Variants in PTPRN2 observed in about 807,000 individuals in gnomAD.
The protein encoded by PTPRN2 is receptor-type tyrosine-protein phosphatase N2.
In PTPRN2, 74 loss-of-function variants were observed where a neutral mutation model predicts 118.8. That is an observed-to-expected ratio of 0.62 (90% CI 0.52 to 0.76). The LOEUF (loss-of-function observed/expected upper bound fraction) is 0.76, where lower values mean the gene tolerates loss of function less well. Among genes scored for constraint, PTPRN2 ranks in the 30% least tolerant of loss-of-function variants. The pLI, the probability that PTPRN2 is intolerant of heterozygous loss-of-function variation, is 0.00. For missense variants in PTPRN2, 1,481 were observed against 1,394.4 expected (o/e 1.06, Z -0.99); for synonymous variants, 641 against 608.0 (o/e 1.05, Z -0.80).
rs113404792 is a variant in PTPRN2 at position 158,377,481 on chromosome 7, C to A, written c.164-60549G>T. On this transcript the variant is annotated intron_variant, in intron 2 of 22. Transcript: ENST00000389418. Reference sequence around the variant, plus strand: ...CATCATCACGCATAAGAAAAGGGGACCCCACTTGGACACCACCACGAACCC... The same window carrying A: ...CATCATCACGCATAAGAAAAGGGGAACCCACTTGGACACCACCACGAACCC... 4.8e-3 allele frequency among the ~76,000 whole-genome samples: 726 copies of A among 152,300 alleles called. 6 individuals are homozygous for A. The highest frequency in any genetic ancestry group is 0.031 in the Middle Eastern group (9 of 292).
At chr7:157,841,607 T>C (rs1247962021) in intron 12 of PTPRN2, among the ~76,000 whole-genome samples, 1 of 152,210 alleles carries the variant, frequency 6.6e-6, no homozygotes, top group Non-Finnish European at 1.5e-5. Context: ...GGTGCCTGCC[T>C]GGAAGGGCCC....
Position 157,780,599 on chromosome 7 carries a change from A to C in PTPRN2, c.1789-97662T>G, listed in dbSNP as rs57126060. ...ACTGGCTCTGCACGCCTTCACCGTG[A>C]GAGGCCCCTGGACAAGGGACTGCCT... On this transcript the variant is annotated intron_variant, in intron 12 of 22. Coordinates refer to ENST00000389418, the MANE Select transcript of PTPRN2 (RefSeq NM_002847.5). The surrounding 1 kb of genome is among the most constrained non-coding windows in gnomAD (Gnocchi z 4.5). Among the ~76,000 whole-genome samples, 5,021 of 152,258 alleles carry C rather than the reference A, an allele frequency of 0.033. 271 individuals carry two copies. The highest frequency in any genetic ancestry group is 0.11 in the African/African-American group (4,726 of 41,542).
At chr7:158,146,256 T>A (rs186863564) in intron 6 of PTPRN2, among the ~76,000 whole-genome samples, 16 of 152,190 alleles carry the variant, frequency 1.1e-4, no homozygotes, top group African/African-American at 3.6e-4. Flanking sequence ...TTGAAACTAT[T>A]TTCTGCCAAA....
At chr7:158,377,495 C>A (rs1227723777) in intron 2 of PTPRN2, among the ~76,000 whole-genome samples, 1 of 152,162 alleles carries the variant, frequency 6.6e-6, no homozygotes, top group East Asian at 1.9e-4. Context: ...ACTTGGACAC[C>A]ACCACGAACC....
chr7:158,561,583 T>C (rs1172628075), intron 1 of PTPRN2, among the ~76,000 whole-genome samples: 1 of 152,252 alleles, frequency 6.6e-6, no homozygotes, highest in Middle Eastern at 3.2e-3. Flanking sequence ...GACTCAGACC[T>C]TGATGCTCTA....
intron 3 of PTPRN2, among the ~76,000 whole-genome samples, chr7:158,262,866 TCA>T (rs760109142): frequency 4.6e-4 from 56 of 122,296 alleles, no homozygotes; most frequent in South Asian, 8.2e-4. Context: ...TCACACACAT[TCA>T]CACACTGCAC....
intron 3 of PTPRN2, among the ~76,000 whole-genome samples, chr7:158,313,165 C>G (rs529658333): frequency 1.3e-5 from 2 of 152,136 alleles, no homozygotes; most frequent in Non-Finnish European, 2.9e-5. Flanking sequence ...TGTGCAGGTA[C>G]GTGTGCCTTC....
intron 16 of PTPRN2, among the ~76,000 whole-genome samples, chr7:157,601,375 T>C (rs948790458): frequency 3.9e-5 from 6 of 152,186 alleles, no homozygotes; most frequent in Admixed American, 3.9e-4. Context: ...GTAATTATCA[T>C]TGTACCTTCA....
chr7:157,549,322 CTTTT>C (rs5888720), intron 21 of PTPRN2, among the ~76,000 whole-genome samples: 2 of 139,504 alleles, frequency 1.4e-5, no homozygotes, highest in Admixed American at 7.1e-5. Context: ...TCTTTCTTTT[CTTTT>C]TTTTTTTTTT....
intron 9 of PTPRN2, among the ~76,000 whole-genome samples, chr7:158,112,116 A>C (rs1339639879): frequency 6.6e-6 from 1 of 152,196 alleles, no homozygotes; most frequent in Non-Finnish European, 1.5e-5. Flanking sequence ...TTGGACTTCC[A>C]GCCTCCAGGA....
chr7:157,726,028 G>A (rs1251821541), intron 12 of PTPRN2, among the ~76,000 whole-genome samples: 2 of 128,840 alleles, frequency 1.6e-5, no homozygotes, highest in Non-Finnish European at 3.2e-5. Flanking sequence ...ACGCAGAGGA[G>A]TGTGGCCAGA....
In PTPRN2 at chr7:157,603,876, C is replaced by T. The variant is rs1481526325; in HGVS notation, c.2418+126G>A. On this transcript the variant is annotated intron_variant, in intron 16 of 22. Coordinates refer to ENST00000389418, the MANE Select transcript of PTPRN2 (RefSeq NM_002847.5). The surrounding 1 kb of genome is among the most constrained non-coding windows in gnomAD (Gnocchi z 5.4). ...GGGAGCCCAATGGGCAGAGTCGGCCCTGTCCACCGCAGAGACGCTGAGCTG... is the reference window on the plus strand; with the variant it reads ...GGGAGCCCAATGGGCAGAGTCGGCCTTGTCCACCGCAGAGACGCTGAGCTG... 11 of 887,554 alleles carry T rather than the reference C, an allele frequency of 1.2e-5. No homozygotes were observed. Among genetic ancestry groups the T allele is most frequent in the Admixed American group, 4.8e-5 (2 of 41,992 alleles). The allele number at this position is 887,554 out of a possible 1,614,324, so 55.0% of individuals were successfully genotyped here. A position where few individuals can be genotyped will look rare whatever the true frequency, so the allele number is the denominator to read the frequency against.
chr7:158,583,009 G>T (rs1057417644), intron 1 of PTPRN2, among the ~76,000 whole-genome samples: 3 of 152,132 alleles, frequency 2.0e-5, no homozygotes, highest in Admixed American at 1.3e-4. Flanking sequence ...CAGTTGCATT[G>T]AGTGGAACTT....
At chr7:157,581,757 C>G (rs1054655266) in intron 17 of PTPRN2, among the ~76,000 whole-genome samples, 2 of 152,242 alleles carry the variant, frequency 1.3e-5, no homozygotes, top group Admixed American at 6.5e-5. Context: ...TATTGACGTC[C>G]TAATCCCTGG....
intron 2 of PTPRN2, among the ~76,000 whole-genome samples, chr7:158,345,880 G>GT (rs1040505437): frequency 1.3e-5 from 2 of 152,064 alleles, no homozygotes; most frequent in African/African-American, 4.8e-5. Context: ...GAGTGGGGGT[G>GT]GGGGGAGTGC....
In PTPRN2 at chr7:157,548,964, G is replaced by C. The variant is rs114742144; in HGVS notation, c.2958C>G (p.Pro986=). Residue 986 remains proline (P), a synonymous_variant, in exon 22 of 23, where the codon CCC becomes CCG. Transcript: ENST00000389418. The part of the protein sequence containing the change: ...ATLEHLRDQR[P]GMVQTKEQFE... ...ACAGTACCTTCGTCTGGACCATGCC[G>C]GGTCTCTGGTCCCTCAAGTGCTCCA... is the stretch of plus-strand genomic sequence containing the variant. 10 of 1,613,992 alleles carry C rather than the reference G, an allele frequency of 6.2e-6. No homozygotes were observed. In the Admixed American group the frequency reaches 6.7e-5, roughly 11 times the overall value.
intron 1 of PTPRN2, among the ~76,000 whole-genome samples, chr7:158,496,028 T>C (rs73528615): frequency 0.25 from 38,113 of 151,714 alleles, 4,842 homozygotes; most frequent in South Asian, 0.38. Context: ...GGACAGGGCT[T>C]GGGGGGCAGC....
At chr7:157,580,140 G>A (rs938631103) in intron 17 of PTPRN2, among the ~76,000 whole-genome samples, 1 of 152,086 alleles carries the variant, frequency 6.6e-6, no homozygotes, top group Non-Finnish European at 1.5e-5. Flanking sequence ...GGTGAAATAC[G>A]GAAGTGCTAA....
At chr7:158,378,371 C>T (rs1810711646) in intron 2 of PTPRN2, among the ~76,000 whole-genome samples, 3 of 152,174 alleles carry the variant, frequency 2.0e-5, no homozygotes, top group African/African-American at 7.2e-5. Context: ...TGCAGGAGGG[C>T]CCTGGACCCA....
Sources: allele counts gnomAD v4.1 joint callset (sites outside exome capture counted in the v4.1 genomes callset), GRCh38; gene constraint gnomAD v4.1.1; non-coding constraint Gnocchi (gnomAD v3.1); transcripts MANE v1.5; gene names NCBI Gene and HGNC (gene_info 2026-07-23, HGNC 2026-07-21).